CADM2: variants seen among roughly 807,000 people sequenced by gnomAD.
The protein encoded by CADM2 is cell adhesion molecule 2, also known as immunoglobulin superfamily member 4D.
Under a neutral mutation model 49.8 loss-of-function variants are expected in CADM2, and 12 were observed. The ratio of observed to expected loss-of-function variants is 0.24; its 90% confidence interval spans 0.15 to 0.39. The LOEUF (loss-of-function observed/expected upper bound fraction) is 0.39, where lower values mean the gene tolerates loss of function less well. CADM2 is among the 10% of genes least tolerant of loss of function. CADM2 has a pLI of 1.00. For synonymous variants in CADM2, 214 were observed against 175.4 expected (o/e 1.22, Z -1.74); for missense variants, 378 against 492.3 (o/e 0.77, Z 2.20).
intron 3 of CADM2, among the ~76,000 whole-genome samples, chr3:85,818,103 A>G (rs2073327601): frequency 6.6e-6 from 1 of 152,112 alleles, no homozygotes; most frequent in African/African-American, 2.4e-5. Context: ...CCTTTTAGTC[A>G]ATCAGACATA....
chr3:85,473,606 C>G (rs938099109), intron 1 of CADM2, among the ~76,000 whole-genome samples: 11 of 152,062 alleles, frequency 7.2e-5, no homozygotes, highest in Non-Finnish European at 1.5e-4. Context: ...AATCTTCACT[C>G]CTGAATCCTC....
chr3:85,275,627 A>ATC (rs1243708341), intron 1 of CADM2, among the ~76,000 whole-genome samples: 9 of 151,142 alleles, frequency 6.0e-5, no homozygotes, highest in Non-Finnish European at 1.2e-4. Context: ...TTTTCCATTG[A>ATC]TCTGGCTTCT....
At chr3:85,923,488 T>C (rs1400768827) in intron 6 of CADM2, among the ~76,000 whole-genome samples, 4 of 149,468 alleles carry the variant, frequency 2.7e-5, no homozygotes, top group African/African-American at 9.8e-5. Context: ...CTTTTGCCAT[T>C]ATAGGCAGAA....
chr3:85,472,691 T>C (rs1272132475), intron 1 of CADM2, among the ~76,000 whole-genome samples: 1 of 152,020 alleles, frequency 6.6e-6, no homozygotes, highest in Non-Finnish European at 1.5e-5. Flanking sequence ...TAGCATTACT[T>C]GAAAGCCTAG....
intron 1 of CADM2, among the ~76,000 whole-genome samples, chr3:85,310,751 C>G (rs1329628575): frequency 6.6e-6 from 1 of 152,076 alleles, no homozygotes; most frequent in African/African-American, 2.4e-5. Context: ...ATCTGATGAT[C>G]ACCCTCTGAA....
chr3:85,709,107 A>G (rs73845624), intron 1 of CADM2, among the ~76,000 whole-genome samples: 1 of 151,938 alleles, frequency 6.6e-6, no homozygotes, highest in African/African-American at 2.4e-5. Flanking sequence ...TAGGTCCCCA[A>G]ATAACTCAGA....
At chr3:85,433,384 T>C (rs6549025) in intron 1 of CADM2, among the ~76,000 whole-genome samples, 151,940 of 152,168 alleles carry the variant, frequency 1, 75,857 homozygotes, top group Middle Eastern at 1. Context: ...TGTGTTCCTG[T>C]TTCAAATAGG....
chr3:85,242,326 GA>G (rs113332784), intron 1 of CADM2, among the ~76,000 whole-genome samples: 1,767 of 149,334 alleles, frequency 0.012, 31 homozygotes, highest in African/African-American at 0.04. Context: ...TTGAAGGGGT[GA>G]AAAAAAACAG....
At chr3:85,241,301 T>G (rs1203238834) in intron 1 of CADM2, among the ~76,000 whole-genome samples, 1 of 151,518 alleles carries the variant, frequency 6.6e-6, no homozygotes, top group Non-Finnish European at 1.5e-5. Flanking sequence ...GGACATTCAT[T>G]GTAGAGAAAA....
chr3:85,814,431 A>G (rs1323743955), intron 3 of CADM2, among the ~76,000 whole-genome samples: 4 of 152,136 alleles, frequency 2.6e-5, no homozygotes, highest in Non-Finnish European at 5.9e-5. Context: ...AAGATCTAAA[A>G]TTGACACCCT....
At chr3:85,072,020 C>G (rs939023490) in intron 1 of CADM2, among the ~76,000 whole-genome samples, 2 of 150,818 alleles carry the variant, frequency 1.3e-5, no homozygotes, top group African/African-American at 4.9e-5. Flanking sequence ...ATAAAATTAG[C>G]TTTCATAGCA....
At chr3:85,797,310 G>A (rs1012354933) in intron 2 of CADM2, among the ~76,000 whole-genome samples, 4 of 151,918 alleles carry the variant, frequency 2.6e-5, no homozygotes, top group African/African-American at 9.7e-5. Flanking sequence ...AGAACGTGCA[G>A]GTTTGTTCCA....
intron 1 of CADM2, among the ~76,000 whole-genome samples, chr3:85,031,171 G>A (rs1010963082): frequency 2.0e-5 from 3 of 152,076 alleles, no homozygotes; most frequent in Non-Finnish European, 2.9e-5. Flanking sequence ...GTGAAGCGAC[G>A]GCCATAAACA....
chr3:86,015,597 A>G (rs1270359325), intron 8 of CADM2, among the ~76,000 whole-genome samples: 1 of 152,212 alleles, frequency 6.6e-6, no homozygotes, highest in Non-Finnish European at 1.5e-5. Context: ...TACCGGAGAA[A>G]AGCTTGTGAG....
intron 1 of CADM2, among the ~76,000 whole-genome samples, chr3:84,965,055 A>G (rs2030871111): frequency 1.3e-5 from 2 of 152,216 alleles, no homozygotes; most frequent in Non-Finnish European, 2.9e-5. Flanking sequence ...TAAAAACCCC[A>G]GATACTTTAC....
At chr3:85,324,208 T>C (rs2107119559) in intron 1 of CADM2, among the ~76,000 whole-genome samples, 1 of 152,350 alleles carries the variant, frequency 6.6e-6, no homozygotes, top group South Asian at 2.1e-4. Flanking sequence ...GTTTGCAAAG[T>C]GTTTCTATAT....
rs183223040 is a variant in CADM2 at position 85,112,956 on chromosome 3, C to A, written c.61+153288C>A. Among the ~76,000 whole-genome samples the A allele has an allele frequency of 2.4e-3, 358 of 151,768 alleles. 1 individual carries two copies. The highest frequency in any genetic ancestry group is 8.3e-3 in the African/African-American group (345 of 41,494). On this transcript the variant is annotated intron_variant, in intron 1 of 9. Transcript: ENST00000383699. ...TATATGTATTTATATTTATGCATTG[C>A]ATATATACAATTTAATAACAAATTT...
chr3:85,543,420 A>ATGTGTGTGTGTGTGTGTGTGTGTG (rs34654299), intron 1 of CADM2, among the ~76,000 whole-genome samples: 2 of 129,584 alleles, frequency 1.5e-5, no homozygotes, highest in East Asian at 2.6e-4. Flanking sequence ...TGCCAAGCTA[A>ATGTGTGTGTGTGTGTGTGTGTGTG]TGTGTGTGTG....
chr3:85,621,418 G>A (rs1366026739), intron 1 of CADM2, among the ~76,000 whole-genome samples: 1 of 152,000 alleles, frequency 6.6e-6, no homozygotes, highest in Non-Finnish European at 1.5e-5. Flanking sequence ...TCCTATGTTA[G>A]CAATTTATAA....
Sources: allele counts gnomAD v4.1 joint callset (sites outside exome capture counted in the v4.1 genomes callset), GRCh38; gene constraint gnomAD v4.1.1; transcripts MANE v1.5; gene names NCBI Gene and HGNC (gene_info 2026-07-23, HGNC 2026-07-21).